TSHZ3: variants seen among roughly 807,000 people sequenced by gnomAD.
TSHZ3 encodes teashirt homolog 3.
In TSHZ3, 10 loss-of-function variants were observed where a neutral mutation model predicts 64.5. The ratio of observed to expected loss-of-function variants is 0.16; its 90% CI spans 0.10 to 0.26. The LOEUF is 0.26. Ranked by LOEUF, TSHZ3 falls within the 10% of genes least tolerant of loss-of-function variation. The probability of loss-of-function intolerance (pLI) is 1.00; values close to 1 mark genes in which losing one functional copy is unlikely to be tolerated. For synonymous variants in TSHZ3, 608 were observed against 593.1 expected (o/e 1.03, Z -0.36); for missense variants, 1,242 against 1,421.7 (o/e 0.87, Z 2.03).
intron 6 of TSHZ3, among the ~76,000 whole-genome samples, chr19:31,154,111 A>C (rs1409659716): frequency 1.3e-5 from 2 of 152,192 alleles, no homozygotes; most frequent in African/African-American, 4.8e-5. Context: ...CCATGAAAAG[A>C]ACATGCCTGG....
At chr19:31,350,062 C>T (rs1359320283), upstream of TSHZ3, among the ~76,000 whole-genome samples, 6 of 146,452 alleles carry the variant, frequency 4.1e-5, no homozygotes, top group Non-Finnish European at 9.1e-5. Flanking sequence ...TATTCCCACC[C>T]AGCGTTCGTC....
intron 1 of TSHZ3, among the ~76,000 whole-genome samples, chr19:31,261,154 C>T (rs1975978960): frequency 1.3e-5 from 2 of 152,272 alleles, no homozygotes; most frequent in South Asian, 2.1e-4. Flanking sequence ...AGGGCTCTCC[C>T]ACCCCTGGCG....
At chr19:31,264,579 G>A (rs773064672) in intron 1 of TSHZ3, among the ~76,000 whole-genome samples, 16 of 152,174 alleles carry the variant, frequency 1.1e-4, no homozygotes, top group African/African-American at 2.2e-4. Context: ...TAAAATGGGC[G>A]GCTGCTGCCC....
At chr19:31,336,693 G>A (rs1917254601) in intron 1 of TSHZ3, among the ~76,000 whole-genome samples, 1 of 152,290 alleles carries the variant, frequency 6.6e-6, no homozygotes, top group East Asian at 1.9e-4. Context: ...AAGAATGTGG[G>A]CTGGGGAGTG....
At chr19:31,303,738 AG>A (rs1976794992) in intron 1 of TSHZ3, among the ~76,000 whole-genome samples, 1 of 152,168 alleles carries the variant, frequency 6.6e-6, no homozygotes. Flanking sequence ...ACTGGCAAAA[AG>A]ATGGCACCCG....
At chr19:31,191,215 A>G (rs977257839) in intron 5 of TSHZ3, among the ~76,000 whole-genome samples, 2 of 152,218 alleles carry the variant, frequency 1.3e-5, no homozygotes, top group Non-Finnish European at 2.9e-5. Context: ...AACAGGAGAA[A>G]CATAAAGATA....
chr19:31,334,394 T>A (rs1917182065), intron 1 of TSHZ3, among the ~76,000 whole-genome samples: 1 of 152,234 alleles, frequency 6.6e-6, no homozygotes, highest in Non-Finnish European at 1.5e-5. Flanking sequence ...CAAATATGAA[T>A]CTCTGCCCCC....
Position 31,167,808 on chromosome 19 carries a change from G to A in TSHZ3, n.810-11391C>T, listed in dbSNP as rs117510275. On this transcript the variant is annotated intron_variant and non_coding_transcript_variant, in intron 5 of 6. Transcript: ENST00000651361. ...AGCAACTTAATTTATGACACTTCTC[G>A]AGGCTGATGGCGTTTTTGCTCTAAG... 4 of 152,276 alleles carry A rather than the reference G, an allele frequency of 2.6e-5. No homozygotes were observed. In the East Asian group the frequency reaches 7.7e-4, roughly 29 times the overall value. The allele number at this position is 152,276 out of a possible 1,614,324, so 9.4% of individuals were successfully genotyped here. A position where few individuals can be genotyped will look rare whatever the true frequency, so the allele number is the denominator to read the frequency against.
chr19:31,342,058 T>C (rs1917453775), intron 1 of TSHZ3, among the ~76,000 whole-genome samples: 1 of 152,152 alleles, frequency 6.6e-6, no homozygotes, highest in Admixed American at 6.5e-5. Context: ...TTAGCAGGAG[T>C]ATTACAATAA....
At position 31,284,656 on chromosome 19, in the gene TSHZ3, G is replaced by A. The variant is rs188759102; in HGVS notation, c.41-4904C>T. Among the ~76,000 whole-genome samples the A allele has an allele frequency of 1.6e-3, 250 of 152,216 alleles. 4 individuals are homozygous for A. Among genetic ancestry groups the A allele is most frequent in the African/African-American group, 5.6e-3 (232 of 41,550 alleles). On this transcript the variant is annotated intron_variant, in intron 1 of 1. Coordinates refer to ENST00000240587, the MANE Select transcript of TSHZ3 (RefSeq NM_020856.4). ...AGAATGCGGGAACCCACCCTTCCCCGGGCCTCAGGGAAAAGGCTCTTGGGG... is the reference window on the plus strand; with the variant it reads ...AGAATGCGGGAACCCACCCTTCCCCAGGCCTCAGGGAAAAGGCTCTTGGGG...
intron 5 of TSHZ3, among the ~76,000 whole-genome samples, chr19:31,185,331 C>T (rs190359702): frequency 4.8e-4 from 73 of 152,306 alleles, no homozygotes; most frequent in African/African-American, 1.5e-3. Flanking sequence ...TTCCTCACAC[C>T]TTCCCTTCCT....
chr19:31,165,235 G>T (rs1005638445), intron 5 of TSHZ3, among the ~76,000 whole-genome samples: 17 of 152,152 alleles, frequency 1.1e-4, no homozygotes, highest in African/African-American at 4.1e-4. Flanking sequence ...TCAACTCCAT[G>T]GAAAGGAAAA....
chr19:31,230,857 G>C (rs555763575), intron 3 of TSHZ3, among the ~76,000 whole-genome samples: 1 of 151,352 alleles, frequency 6.6e-6, no homozygotes, highest in Non-Finnish European at 1.5e-5. Flanking sequence ...CTGCCACCAC[G>C]CGCGGCTAAT....
At chr19:31,315,021 T>A (rs1916562510) in intron 1 of TSHZ3, among the ~76,000 whole-genome samples, 1 of 152,190 alleles carries the variant, frequency 6.6e-6, no homozygotes, top group Non-Finnish European at 1.5e-5. Context: ...AAGCAGGGAA[T>A]CCTGCCACCA....
intron 1 of TSHZ3, among the ~76,000 whole-genome samples, chr19:31,315,563 C>T (rs12462330): frequency 0.3 from 45,429 of 152,054 alleles, 7,134 homozygotes; most frequent in East Asian, 0.47. Flanking sequence ...TTCCCTCACT[C>T]GCCACCCAGC....
rs1568389996 is a variant in TSHZ3 at position 31,349,241 on chromosome 19, A to ACTG, written c.-25_-23dup. 6.5e-7 allele frequency: 1 copy of ACTG among 1,532,734 alleles called. No individual in the cohort carries two copies. Among genetic ancestry groups the ACTG allele is most frequent in the Non-Finnish European group, 8.8e-7 (1 of 1,141,764 alleles). The allele number at this position is 1,532,734 out of a possible 1,614,324, so 94.9% of individuals were successfully genotyped here. A position where few individuals can be genotyped will look rare whatever the true frequency, so the allele number is the denominator to read the frequency against. ...GCATGATGCTTCTCCGGCGACTGCC[A>ACTG]CTGCCGCCGCCGCCGCCGCTGCCGG... On this transcript the variant is annotated 5_prime_UTR_variant, in exon 1 of 2. Transcript: ENST00000240587.
intron 1 of TSHZ3, among the ~76,000 whole-genome samples, chr19:31,301,796 G>A (rs1976762104): frequency 6.6e-6 from 1 of 152,130 alleles, no homozygotes; most frequent in Admixed American, 6.5e-5. Flanking sequence ...TTTTTAAAAT[G>A]TTTGAGCACT....
chr19:31,161,068 T>C (rs920934178), intron 5 of TSHZ3, among the ~76,000 whole-genome samples: 2 of 152,352 alleles, frequency 1.3e-5, no homozygotes, highest in Admixed American at 1.3e-4. Context: ...CATTCATTTA[T>C]ATATCTTTGC....
In TSHZ3 at chr19:31,349,075, G is replaced by C. The variant is rs561123157; in HGVS notation, c.40+105C>G. ...AGAGCGGCGCCCGGAGTTACTCAGT[G>C]CGGGCAGAAGAGCGGGGCGAGGAGC... On this transcript the variant is annotated intron_variant, in intron 1 of 1. Coordinates refer to ENST00000240587, the MANE Select transcript of TSHZ3 (RefSeq NM_020856.4). The C allele has an allele frequency of 3.5e-6, 5 of 1,413,280 alleles. No individual in the cohort carries two copies. In the South Asian group the frequency reaches 6.6e-5, roughly 19 times the overall value. The allele number at this position is 1,413,280 out of a possible 1,614,324, so 87.5% of individuals were successfully genotyped here.
Sources: gnomAD v4.1 joint callset for allele counts (sites outside exome capture counted in the v4.1 genomes callset) on GRCh38, gnomAD v4.1.1 for gene constraint, MANE v1.5 for transcripts, NCBI Gene and HGNC (gene_info 2026-07-23, HGNC 2026-07-21) for gene names.